FAM13A: variants seen among roughly 807,000 people sequenced by gnomAD.
The protein encoded by FAM13A is protein FAM13A.
A neutral mutation model predicts 129.6 loss-of-function variants in FAM13A; 76 were observed. The observed-to-expected ratio is 0.59, with a 90% CI of 0.49 to 0.71. FAM13A has a LOEUF of 0.71. FAM13A is among the 30% of genes least tolerant of loss of function. FAM13A has a pLI of 0.00. For missense variants in FAM13A, 1,108 were observed against 1,249.3 expected (o/e 0.89, Z 1.70); for synonymous variants, 443 against 449.9 (o/e 0.98, Z 0.20).
chr4:88,991,107 T>C lies in FAM13A; in HGVS notation c.471A>G (p.Ile157Met), dbSNP rs1474685584. The C allele has an allele frequency of 3.1e-6, 5 of 1,613,980 alleles. No homozygotes were observed. Among genetic ancestry groups the C allele is most frequent in the South Asian group, 1.1e-5 (1 of 91,080 alleles). The change falls in exon 4 of 24, where the codon ATA (isoleucine) becomes ATG (methionine). Residue 157 changes from isoleucine (I) to methionine (M), a missense_variant. Ile to Met is a conservative substitution (Grantham distance 10). Coordinates refer to ENST00000264344, the MANE Select transcript of FAM13A (RefSeq NM_014883.4). The stretch of plus-strand genomic sequence containing the variant: ...AGTAGTGGGTGTCTGGCAGCTCTTT[T>C]ATTAAGTCTCTTAAGCTACTCTCCT... Reference protein sequence around the residue: ...DVQESSLRDLIKELPDTHYCL... With the variant: ...DVQESSLRDLMKELPDTHYCL...
intron 10 of FAM13A, among the ~76,000 whole-genome samples, chr4:88,785,390 A>G (rs1160049714): frequency 6.6e-6 from 1 of 152,120 alleles, no homozygotes; most frequent in Non-Finnish European, 1.5e-5. Context: ...TGTAGGCTAT[A>G]TTAATGATTC....
chr4:88,834,362 A>T (rs1017962681), intron 7 of FAM13A, among the ~76,000 whole-genome samples: 16 of 152,130 alleles, frequency 1.1e-4, no homozygotes, highest in African/African-American at 3.6e-4. Flanking sequence ...AATTTTGGTG[A>T]GGAAATATGT....
chr4:88,873,755 G>A (rs1183255880), intron 6 of FAM13A, among the ~76,000 whole-genome samples: 1 of 151,788 alleles, frequency 6.6e-6, no homozygotes, highest in Non-Finnish European at 1.5e-5. Context: ...TATTCCAATA[G>A]AAAAAGAGGG....
chr4:88,945,990 G>GTGTATATATATATATATATATATATATA, intron 4 of FAM13A, among the ~76,000 whole-genome samples: 1 of 61,960 alleles, frequency 1.6e-5, no homozygotes, highest in Non-Finnish European at 2.9e-5. Context: ...GTGTGTGTGT[G>GTGTATATATATATATATATATATATATA]TATATATATA....
intron 4 of FAM13A, among the ~76,000 whole-genome samples, chr4:88,970,979 C>G (rs563510586): frequency 6.6e-6 from 1 of 152,168 alleles, no homozygotes; most frequent in Non-Finnish European, 1.5e-5. Context: ...GAGGCCGAGG[C>G]GGGTGGATCA....
At chr4:88,734,422 G>C (rs1481309456) in intron 21 of FAM13A, among the ~76,000 whole-genome samples, 5 of 152,176 alleles carry the variant, frequency 3.3e-5, no homozygotes, top group Non-Finnish European at 7.3e-5. Flanking sequence ...TATCTGATAT[G>C]TTGGAGTAAA....
At chr4:88,898,741 T>C (rs967179511) in intron 6 of FAM13A, among the ~76,000 whole-genome samples, 1 of 151,896 alleles carries the variant, frequency 6.6e-6, no homozygotes, top group African/African-American at 2.4e-5. Context: ...ATAAATGTCA[T>C]GGTGGCTAAT....
At chr4:89,056,130 G>T (rs1772173038) in intron 1 of FAM13A, among the ~76,000 whole-genome samples, 1 of 152,080 alleles carries the variant, frequency 6.6e-6, no homozygotes, top group Non-Finnish European at 1.5e-5. Flanking sequence ...TGTCCCTATG[G>T]AATACAATAG....
At chr4:88,974,369 G>A (rs1308659369) in intron 4 of FAM13A, among the ~76,000 whole-genome samples, 1 of 152,198 alleles carries the variant, frequency 6.6e-6, no homozygotes, top group Non-Finnish European at 1.5e-5. Flanking sequence ...TCTAAGAAGT[G>A]TTGTTGATTT....
At chr4:88,804,711 G>GAA (rs1553987886) in intron 8 of FAM13A, among the ~76,000 whole-genome samples, 5 of 151,778 alleles carry the variant, frequency 3.3e-5, no homozygotes, top group African/African-American at 1.2e-4. Flanking sequence ...ATAAAATAGA[G>GAA]ATTTTTAACT....
At chr4:88,934,977 T>C (rs149915380) in intron 5 of FAM13A, among the ~76,000 whole-genome samples, 1 of 152,354 alleles carries the variant, frequency 6.6e-6, no homozygotes, top group East Asian at 1.9e-4. Flanking sequence ...AAAAACTCTG[T>C]AGGGACCTAG....
chr4:88,823,791 C>A (rs1207486093), intron 7 of FAM13A, among the ~76,000 whole-genome samples: 1 of 152,212 alleles, frequency 6.6e-6, no homozygotes, highest in Non-Finnish European at 1.5e-5. Context: ...TTACTAGTCG[C>A]TGGTGACATC....
At chr4:88,987,523 A>G (rs1762384207) in intron 4 of FAM13A, among the ~76,000 whole-genome samples, 1 of 152,180 alleles carries the variant, frequency 6.6e-6, no homozygotes, top group African/African-American at 2.4e-5. Flanking sequence ...ATGCAACATT[A>G]AGGATACAAT....
At chr4:89,046,860 A>G (rs1770922829) in intron 1 of FAM13A, among the ~76,000 whole-genome samples, 1 of 152,204 alleles carries the variant, frequency 6.6e-6, no homozygotes, top group Admixed American at 6.5e-5. Context: ...CGAAAAGAAA[A>G]GAAAAGTAAC....
intron 6 of FAM13A, among the ~76,000 whole-genome samples, chr4:88,883,589 T>G (rs1005270270): frequency 6.6e-6 from 1 of 151,770 alleles, no homozygotes; most frequent in South Asian, 2.1e-4. Context: ...CAATCTAAGG[T>G]CACACCTCAA....
Position 88,731,413 on chromosome 4 carries a change from T to A in FAM13A, c.2859A>T (p.Glu953Asp). The change falls in exon 23 of 24, where the codon GAA (glutamate) becomes GAT (aspartate). Residue 953 changes from glutamate to aspartate, a missense_variant. Around this residue, in one of 3 missense-constraint regions of FAM13A, gnomAD observed 529 missense variants for 621.2 expected, o/e 0.85. Coordinates refer to ENST00000264344, the MANE Select transcript of FAM13A (RefSeq NM_014883.4). ...TTTCTTCTCTCATTTCCTGGAGGTG[T>A]TCCAGGAGTTCAGGTCTAAGAGAGA... ...LHAASIPELLEHLQEMREEKK... is the reference protein window; with the variant it reads ...LHAASIPELLDHLQEMREEKK... 1 of 1,597,056 alleles carries A rather than the reference T, an allele frequency of 6.3e-7. No homozygotes were observed. The highest frequency in any genetic ancestry group is 8.5e-7 in the Non-Finnish European group (1 of 1,173,886).
At chr4:88,777,301 G>T (rs970370491) in intron 11 of FAM13A, among the ~76,000 whole-genome samples, 27 of 152,158 alleles carry the variant, frequency 1.8e-4, no homozygotes, top group African/African-American at 5.8e-4. Context: ...TTTGTCATTT[G>T]AGCAGATAAG....
At chr4:88,983,129 T>C (rs1019197009) in intron 4 of FAM13A, among the ~76,000 whole-genome samples, 4 of 152,148 alleles carry the variant, frequency 2.6e-5, no homozygotes, top group African/African-American at 4.8e-5. Flanking sequence ...CTGTTCCTTA[T>C]AGGTATAAGG....
At chr4:88,970,406 G>A (rs1039368511) in intron 4 of FAM13A, among the ~76,000 whole-genome samples, 6 of 151,128 alleles carry the variant, frequency 4.0e-5, no homozygotes, top group African/African-American at 1.5e-4. Flanking sequence ...ACTAAATAAA[G>A]GTCTTGGAAA....
Sources: gnomAD v4.1 joint callset for allele counts (sites outside exome capture counted in the v4.1 genomes callset) on GRCh38, gnomAD v4.1.1 for gene constraint, gnomAD v4.1.1 regional missense constraint, MANE v1.5 for transcripts, NCBI Gene and HGNC (gene_info 2026-07-23, HGNC 2026-07-21) for gene names.